ALG5: variants seen among roughly 807,000 people sequenced by gnomAD.
ALG5 encodes ALG5 dolichyl-phosphate beta-glucosyltransferase.
Under a neutral mutation model 51.8 loss-of-function variants are expected in ALG5, and 26 were observed. The ratio of observed to expected loss-of-function variants is 0.50; its 90% CI spans 0.37 to 0.70. The LOEUF (loss-of-function observed/expected upper bound fraction) is 0.70. Among genes scored for constraint, ALG5 ranks in the 30% least tolerant of loss-of-function variants. The pLI, the probability that ALG5 is intolerant of heterozygous loss-of-function variation, is 0.00. For missense variants in ALG5, 311 were observed against 399.3 expected (o/e 0.78, Z 1.88); for synonymous variants, 141 against 136.1 (o/e 1.04, Z -0.25).
intron 4 of ALG5, among the ~76,000 whole-genome samples, chr13:36,992,229 T>C (rs2059028691): frequency 6.6e-6 from 1 of 152,230 alleles, no homozygotes. Context: ...GTATTATTAA[T>C]AGATGTGAAC....
intron 5 of ALG5, among the ~76,000 whole-genome samples, chr13:36,988,199 A>G (rs1253092768): frequency 2.0e-5 from 3 of 152,176 alleles, no homozygotes; most frequent in African/African-American, 7.2e-5. Context: ...CTATTATAGC[A>G]TTTACAACAC....
At chr13:36,960,712 C>A (rs2058862339) in intron 8 of ALG5, among the ~76,000 whole-genome samples, 1 of 149,050 alleles carries the variant, frequency 6.7e-6, no homozygotes, top group Non-Finnish European at 1.5e-5. Flanking sequence ...TAGATGGAGT[C>A]TTGCCTGCAA....
intron 6 of ALG5, among the ~76,000 whole-genome samples, chr13:36,977,790 CAAAAAAA>C (rs869027711): frequency 2.6e-5 from 1 of 39,168 alleles, no homozygotes; most frequent in Non-Finnish European, 3.9e-5. Flanking sequence ...AGACTGTCTC[CAAAAAAA>C]AAAAAAAAAA....
At chr13:36,985,556 C>T (rs2058998394) in intron 6 of ALG5, 71 bp downstream of exon 6, 2 of 1,237,910 alleles carry the variant, frequency 1.6e-6, no homozygotes, top group African/African-American at 1.5e-5. Context: ...TAGGTAAACT[C>T]TCCTTTAACT....
At chr13:36,971,527 G>A (rs1404133070) in intron 7 of ALG5, among the ~76,000 whole-genome samples, 1 of 150,912 alleles carries the variant, frequency 6.6e-6, no homozygotes, top group Non-Finnish European at 1.5e-5. Flanking sequence ...TGCGCCTGTA[G>A]TCCCAGCTAC....
At chr13:36,963,926 T>C (rs1435030717) in intron 8 of ALG5, among the ~76,000 whole-genome samples, 2 of 152,204 alleles carry the variant, frequency 1.3e-5, no homozygotes, top group Non-Finnish European at 2.9e-5. Context: ...ACTGGGTACC[T>C]ACTATGTGCT....
At chr13:36,969,923 AT>A (rs2058913845) in intron 7 of ALG5, among the ~76,000 whole-genome samples, 1 of 152,046 alleles carries the variant, frequency 6.6e-6, no homozygotes, top group Non-Finnish European at 1.5e-5. Context: ...ATCCCATGTT[AT>A]TAAATAGTCT....
At chr13:36,993,697 T>C (rs961039514) in intron 3 of ALG5, 25 bp from the exon 4 acceptor site, 5 of 1,600,486 alleles carry the variant, frequency 3.1e-6, no homozygotes, top group Non-Finnish European at 4.3e-6. Flanking sequence ...AATAAAGTAA[T>C]ACAATTTGGC....
chr13:36,983,942 A>G (rs2058990782), intron 6 of ALG5, among the ~76,000 whole-genome samples: 1 of 151,948 alleles, frequency 6.6e-6, no homozygotes, highest in African/African-American at 2.4e-5. Context: ...GGGGGGCCTT[A>G]TATGTTTACC....
At chr13:36,963,334 G>C (rs896447419) in intron 8 of ALG5, among the ~76,000 whole-genome samples, 1 of 152,132 alleles carries the variant, frequency 6.6e-6, no homozygotes, top group Non-Finnish European at 1.5e-5. Flanking sequence ...TGCTGCCCTA[G>C]AACAATCCTG....
intron 8 of ALG5, among the ~76,000 whole-genome samples, chr13:36,955,723 C>T: frequency 1.1e-5 from 1 of 89,506 alleles, no homozygotes; most frequent in Non-Finnish European, 2.4e-5. Flanking sequence ...GATTAAGAAA[C>T]ATTTCTCAGA....
chr13:36,968,172 G>T (rs1403644406), intron 7 of ALG5: 2 of 164,560 alleles, frequency 1.2e-5, no homozygotes, highest in Non-Finnish European at 2.7e-5. Context: ...TAAAATATAG[G>T]ATAGACTTAT....
chr13:36,985,896 T>C (rs1473920346), intron 5 of ALG5, among the ~76,000 whole-genome samples, 156 bp from the exon 6 acceptor site: 3 of 152,206 alleles, frequency 2.0e-5, no homozygotes, highest in Admixed American at 6.5e-5. Flanking sequence ...ATTACCTGTA[T>C]ATTAAGATCT....
At chr13:36,954,144 T>A (rs2058829896) in intron 8 of ALG5, among the ~76,000 whole-genome samples, 1 of 152,064 alleles carries the variant, frequency 6.6e-6, no homozygotes, top group African/African-American at 2.4e-5. Context: ...TGGAATGCAG[T>A]GGCGCAATCA....
intron 6 of ALG5, among the ~76,000 whole-genome samples, chr13:36,978,994 C>A (rs2058966819): frequency 6.6e-6 from 1 of 151,332 alleles, no homozygotes; most frequent in African/African-American, 2.4e-5. Context: ...GTGCTGAACA[C>A]ATGCTAAACA....
At chr13:36,957,873 G>A (rs2058847508) in intron 8 of ALG5, among the ~76,000 whole-genome samples, 1 of 152,012 alleles carries the variant, frequency 6.6e-6, no homozygotes, top group Non-Finnish European at 1.5e-5. Flanking sequence ...TATTAGTCAA[G>A]TCCCTTCCCT....
At chr13:36,989,336 G>T in intron 5 of ALG5, 148 bp downstream of exon 5, 1 of 598,468 alleles carries the variant, frequency 1.7e-6, no homozygotes, top group Non-Finnish European at 2.9e-6. Context: ...CTTAAAATTT[G>T]ACTAAAAACA....
intron 6 of ALG5, among the ~76,000 whole-genome samples, chr13:36,979,869 A>G (rs940946394): frequency 6.6e-6 from 1 of 152,086 alleles, no homozygotes; most frequent in African/African-American, 2.4e-5. Flanking sequence ...CAACATGGTG[A>G]AACCTCATCT....
At chr13:36,997,962 G>A (rs1191232594) in intron 1 of ALG5, among the ~76,000 whole-genome samples, 1 of 152,146 alleles carries the variant, frequency 6.6e-6, no homozygotes, top group Non-Finnish European at 1.5e-5. Flanking sequence ...TTCCTCACCA[G>A]TAAAATAATG....
Sources: gnomAD v4.1 joint callset for allele counts (sites outside exome capture counted in the v4.1 genomes callset) on GRCh38, gnomAD v4.1.1 for gene constraint, MANE v1.5 for transcripts, NCBI Gene and HGNC (gene_info 2026-07-23, HGNC 2026-07-21) for gene names.